Variants in GNG2 observed in about 807,000 individuals in gnomAD.
The protein encoded by GNG2 is guanine nucleotide-binding protein G(I)/G(S)/G(O) subunit gamma-2.
Under a neutral mutation model 5.5 loss-of-function variants are expected in GNG2, and 5 were observed. The ratio of observed to expected loss-of-function variants is 0.91; its 90% CI spans 0.48 to 1.92. The LOEUF (loss-of-function observed/expected upper bound fraction) is 1.92, where lower values mean the gene tolerates loss of function less well. GNG2 is among the 30% of genes most tolerant of loss of function. The pLI is 0.01. For synonymous variants in GNG2, 28 were observed against 32.0 expected (o/e 0.88, Z 0.42); for missense variants, 55 against 88.4 (o/e 0.62, Z 1.52).
intron 2 of GNG2, among the ~76,000 whole-genome samples, chr14:51,836,971 C>T (rs929369091): frequency 6.6e-6 from 1 of 151,022 alleles, no homozygotes; most frequent in African/African-American, 2.4e-5. Context: ...GATTCTCCTG[C>T]CTCAGCCTCC....
At chr14:51,896,840 C>A (rs1464651330) in intron 2 of GNG2, among the ~76,000 whole-genome samples, 5 of 151,992 alleles carry the variant, frequency 3.3e-5, no homozygotes, top group Non-Finnish European at 5.9e-5. Context: ...AACAAAAAGT[C>A]ATACACTAGA....
intron 1 of GNG2, among the ~76,000 whole-genome samples, chr14:51,867,180 T>C (rs751069841): frequency 9.9e-5 from 15 of 152,194 alleles, no homozygotes; most frequent in Non-Finnish European, 1.9e-4. Context: ...GTTCTCAAGA[T>C]ACGAGTCTTT....
At chr14:51,849,238 C>T (rs1881796178) in intron 2 of GNG2, among the ~76,000 whole-genome samples, 1 of 152,180 alleles carries the variant, frequency 6.6e-6, no homozygotes, top group Non-Finnish European at 1.5e-5. Flanking sequence ...GACCTCTCCA[C>T]AGGGCAACTT....
intron 2 of GNG2, among the ~76,000 whole-genome samples, chr14:51,947,555 A>G (rs1888712061): frequency 6.6e-6 from 1 of 152,162 alleles, no homozygotes; most frequent in Admixed American, 6.5e-5. Context: ...AAGCTAGAAA[A>G]TGAAAGAAAG....
chr14:51,879,350 A>C (rs1297158857), intron 2 of GNG2, among the ~76,000 whole-genome samples: 2 of 152,266 alleles, frequency 1.3e-5, no homozygotes, highest in African/African-American at 2.4e-5. Context: ...AAGTATATAC[A>C]TGGAAAAAAA....
chr14:51,860,685 T>C lies in GNG2; in HGVS notation c.-176T>C, dbSNP rs1882408839. On this transcript the variant is annotated 5_prime_UTR_variant, in exon 1 of 4. Coordinates refer to ENST00000556766, the MANE Select transcript of GNG2 (RefSeq NM_053064.5). ...GCGCTCCGTGGGCAACTCCTACTAC[T>C]GCTGGGCTGGGCTGGGCTGGGCTGG... 1.3e-5 allele frequency: 2 copies of C among 152,786 alleles called. No homozygotes were observed. The highest frequency in any genetic ancestry group is 1.9e-4 in the East Asian group (1 of 5,160). The allele number at this position is 152,786 out of a possible 1,614,324, so 9.5% of individuals were successfully genotyped here.
intron 3 of GNG2, among the ~76,000 whole-genome samples, chr14:51,963,648 G>T (rs991543109): frequency 6.6e-6 from 1 of 152,192 alleles, no homozygotes; most frequent in South Asian, 2.1e-4. Flanking sequence ...GCCCACATTT[G>T]AGTAGTTTAT....
chr14:51,913,393 A>T (rs1387597092), intron 2 of GNG2: 1 of 152,234 alleles, frequency 6.6e-6, no homozygotes, highest in African/African-American at 2.4e-5. Context: ...TTGTGCCTGT[A>T]GTCCCAACTA....
chr14:51,959,465 A>G (rs1889463612), intron 3 of GNG2, among the ~76,000 whole-genome samples: 2 of 152,114 alleles, frequency 1.3e-5, no homozygotes, highest in Admixed American at 6.6e-5. Context: ...CATCTAATCC[A>G]TTAGAAAATC....
At chr14:51,926,895 T>C (rs1407189332) in intron 2 of GNG2, among the ~76,000 whole-genome samples, 1 of 152,174 alleles carries the variant, frequency 6.6e-6, no homozygotes, top group Non-Finnish European at 1.5e-5. Flanking sequence ...CCTACAACAA[T>C]GTTTTGTCTT....
At chr14:51,942,185 T>A (rs375561150) in intron 2 of GNG2, among the ~76,000 whole-genome samples, 5 of 152,372 alleles carry the variant, frequency 3.3e-5, no homozygotes, top group African/African-American at 1.2e-4. Context: ...ATAGGGATTA[T>A]AAGACATAAG....
At chr14:51,830,404 AC>A (rs1208309937) in intron 2 of GNG2, among the ~76,000 whole-genome samples, 1 of 151,444 alleles carries the variant, frequency 6.6e-6, no homozygotes, top group Non-Finnish European at 1.5e-5. Flanking sequence ...TCTAGCAAAG[AC>A]TCCTCACCTG....
chr14:51,827,950 G>T, intron 2 of GNG2: 1 of 586,666 alleles, frequency 1.7e-6, no homozygotes, highest in South Asian at 2.0e-5. Flanking sequence ...GCATAAAGCT[G>T]CGGAAGATGA....
At chr14:51,931,474 A>T (rs1031340532) in intron 2 of GNG2, among the ~76,000 whole-genome samples, 1 of 152,208 alleles carries the variant, frequency 6.6e-6, no homozygotes, top group African/African-American at 2.4e-5. Flanking sequence ...GAGAGCCAGG[A>T]TGTGTAACTA....
In GNG2 at chr14:51,967,577, T is replaced by G. The variant is rs555073601; in HGVS notation, c.*890T>G. On this transcript the variant is annotated 3_prime_UTR_variant, in exon 4 of 4. Transcript: ENST00000556766. ...AAGAAAATCTCAGTATTTTGAAAAT[T>G]GAGATTACTTCAGAGCCTTAGCCAC... 6.6e-6 allele frequency: 1 copy of G among 152,148 alleles called. No homozygotes were observed. Among genetic ancestry groups the G allele is most frequent in the East Asian group, 1.9e-4 (1 of 5,174 alleles). 9.4% of individuals were successfully genotyped at this position (152,148 alleles called of 1,614,324 possible). A position where few individuals can be genotyped will look rare whatever the true frequency, so the allele number is the denominator to read the frequency against.
At chr14:51,959,079 G>C (rs145420109) in intron 3 of GNG2, among the ~76,000 whole-genome samples, 84 of 152,142 alleles carry the variant, frequency 5.5e-4, no homozygotes, top group Non-Finnish European at 9.7e-4. Context: ...ACTTTCACAG[G>C]CTACTCCTTT....
At chr14:51,844,016 G>A (rs1001659887) in intron 2 of GNG2, among the ~76,000 whole-genome samples, 1 of 152,198 alleles carries the variant, frequency 6.6e-6, no homozygotes, top group African/African-American at 2.4e-5. Flanking sequence ...CAAAGGAAAT[G>A]TATCTCCTTT....
At chr14:51,880,157 A>G (rs1357250722) in intron 2 of GNG2, among the ~76,000 whole-genome samples, 1 of 152,148 alleles carries the variant, frequency 6.6e-6, no homozygotes, top group East Asian at 1.9e-4. Flanking sequence ...TCTTGCCCAG[A>G]CTTTTGGGTA....
chr14:51,831,557 G>T (rs1881190694), intron 2 of GNG2, among the ~76,000 whole-genome samples: 1 of 152,236 alleles, frequency 6.6e-6, no homozygotes, highest in South Asian at 2.1e-4. Context: ...ATAAAAAGGG[G>T]TCATGAAAGA....
Sources: allele counts gnomAD v4.1 joint callset (sites outside exome capture counted in the v4.1 genomes callset), GRCh38; gene constraint gnomAD v4.1.1; transcripts MANE v1.5; gene names NCBI Gene and HGNC (gene_info 2026-07-23, HGNC 2026-07-21).